KDM6A: variants seen among roughly 807,000 people sequenced by gnomAD.
The protein encoded by KDM6A is lysine demethylase 6A.
Under a neutral mutation model 117.6 loss-of-function variants are expected in KDM6A, and 11 were observed. That is an observed-to-expected ratio of 0.09 (90% CI 0.06 to 0.15). The LOEUF is 0.15. KDM6A is among the 10% of genes least tolerant of loss of function. The probability of loss-of-function intolerance (pLI) is 1.00; values close to 1 mark genes in which losing one functional copy is unlikely to be tolerated. For missense variants in KDM6A, 799 were observed against 1,077.3 expected, an observed-to-expected ratio of 0.74 and a Z score of 3.62; for synonymous variants, 384 against 396.1, an observed-to-expected ratio of 0.97 and a Z score of 0.36.
At chrX:44,881,302 G>A (rs893570160) in intron 2 of KDM6A, among the ~76,000 whole-genome samples, 12 of 111,814 alleles carry the variant, frequency 1.1e-4, no homozygotes, top group African/African-American at 2.9e-4. Context: ...GTGATGGCGC[G>A]TACCTGTAAT....
chrX:44,923,407 A>G (rs2036095967), intron 2 of KDM6A, among the ~76,000 whole-genome samples: 1 of 106,203 alleles, frequency 9.4e-6, no homozygotes, highest in African/African-American at 3.5e-5. Flanking sequence ...AAATTATTCT[A>G]TCACTTACTG....
At chrX:44,967,799 T>C (rs754958266) in intron 3 of KDM6A, among the ~76,000 whole-genome samples, 1 of 112,487 alleles carries the variant, frequency 8.9e-6, no homozygotes, top group Admixed American at 9.4e-5. Flanking sequence ...TTTTCTGTGA[T>C]TCCAGATGAA....
At chrX:44,951,634 A>G (rs960497180) in intron 2 of KDM6A, among the ~76,000 whole-genome samples, 2 of 111,348 alleles carry the variant, frequency 1.8e-5, no homozygotes, top group African/African-American at 6.5e-5. Context: ...AAGTCTGGGA[A>G]TGGTTTGTGA....
In KDM6A at chrX:45,069,642, A is replaced by T. The variant is rs1297907606; in HGVS notation, c.2143A>T (p.Thr715Ser). Residue 715 changes from threonine to serine, a missense_variant, in exon 18 of 30, where the codon ACT becomes TCT. Physicochemically the swap from Thr to Ser is moderately conservative, Grantham distance 58. Coordinates refer to ENST00000611820, the MANE Select transcript of KDM6A (RefSeq NM_001291415.2). ...GPNGERPLSS[T>S]GPSQHLQAAG... ...TAATGGTGAACGACCTCTCTCTTCCACTGGGCCTTCCCAGCATCTCCAGGC... is the reference window on the plus strand; with the variant it reads ...TAATGGTGAACGACCTCTCTCTTCCTCTGGGCCTTCCCAGCATCTCCAGGC... 1.1e-5 allele frequency: 13 copies of T among 1,208,221 alleles called. No individual in the cohort carries two copies. In the Admixed American group the frequency reaches 2.2e-4, roughly 20 times the overall value.
At chrX:44,922,233 G>A (rs1330188105) in intron 2 of KDM6A, among the ~76,000 whole-genome samples, 2 of 103,279 alleles carry the variant, frequency 1.9e-5, no homozygotes, top group African/African-American at 3.5e-5. Flanking sequence ...TAGTAGAGGT[G>A]GGGTTTCGCC....
At chrX:45,082,907 A>G (rs2148146358) in intron 23 of KDM6A, 118 bp downstream of exon 23, 1 of 537,373 alleles carries the variant, frequency 1.9e-6, no homozygotes, top group East Asian at 3.6e-5. Flanking sequence ...TTAAGTTGAC[A>G]TGAATTTAAG....
intron 21 of KDM6A, among the ~76,000 whole-genome samples, chrX:45,079,597 G>A (rs925618336): frequency 4.5e-5 from 5 of 111,837 alleles, no homozygotes; most frequent in African/African-American, 9.8e-5. Context: ...AGGCTAGAGC[G>A]CAGTGGCACG....
chrX:44,981,651 A>C (rs1235058703), intron 4 of KDM6A, among the ~76,000 whole-genome samples: 1 of 111,799 alleles, frequency 8.9e-6, no homozygotes, highest in Admixed American at 9.5e-5. Flanking sequence ...CGTTCTAATC[A>C]TGCTTTGCTC....
At chrX:44,946,752 C>T (rs973703786) in intron 2 of KDM6A, among the ~76,000 whole-genome samples, 3 of 110,333 alleles carry the variant, frequency 2.7e-5, no homozygotes, top group African/African-American at 6.6e-5. Flanking sequence ...TTTTTTCTCC[C>T]GTTAGAAATA....
intron 25 of KDM6A, among the ~76,000 whole-genome samples, chrX:45,087,940 G>A (rs758703328): frequency 1.7e-3 from 191 of 111,630 alleles, no homozygotes; most frequent in African/African-American, 5.9e-3. Context: ...GATAGTGACT[G>A]TATACTGTAT....
chrX:44,977,759 A>G (rs1170025351), intron 4 of KDM6A, among the ~76,000 whole-genome samples: 2 of 112,062 alleles, frequency 1.8e-5, no homozygotes, highest in Non-Finnish European at 3.8e-5. Context: ...TAGGTGAGAA[A>G]TGGTATTTTA....
At chrX:45,002,867 C>T (rs904234137) in intron 4 of KDM6A, among the ~76,000 whole-genome samples, 10 of 69,996 alleles carry the variant, frequency 1.4e-4, no homozygotes, top group African/African-American at 5.6e-4. Flanking sequence ...CCCCGCCCCC[C>T]CCCCCCTTTT....
At chrX:45,012,877 ATCTTAGG>A (rs923117041) in intron 5 of KDM6A, among the ~76,000 whole-genome samples, 47 of 111,642 alleles carry the variant, frequency 4.2e-4, no homozygotes, top group Non-Finnish European at 7.9e-4. Context: ...TTCTTTGTAA[ATCTTAGG>A]AAGGTATAAT....
chrX:45,051,474 T>G (rs2043845730), intron 8 of KDM6A, among the ~76,000 whole-genome samples: 1 of 112,227 alleles, frequency 8.9e-6, no homozygotes, highest in Non-Finnish European at 1.9e-5. Flanking sequence ...AAAGTCATAC[T>G]TTAATGATAC....
At chrX:45,068,883 A>G (rs1180188927) in intron 17 of KDM6A, among the ~76,000 whole-genome samples, 1 of 92,649 alleles carries the variant, frequency 1.1e-5, no homozygotes, top group African/African-American at 4.2e-5. Flanking sequence ...TTTTGTGGAG[A>G]CGGAGTCTCA....
intron 2 of KDM6A, among the ~76,000 whole-genome samples, chrX:44,881,493 A>C (rs1186711261): frequency 9.0e-6 from 1 of 111,674 alleles, no homozygotes; most frequent in Admixed American, 9.5e-5. Flanking sequence ...CTTGTTAGAC[A>C]GTTTTAGGTT....
intron 2 of KDM6A, among the ~76,000 whole-genome samples, chrX:44,954,937 G>A (rs1372295096): frequency 9.0e-6 from 1 of 111,138 alleles, no homozygotes; most frequent in Admixed American, 9.7e-5. Context: ...TATGGGAGAA[G>A]TGTTAGGGAA....
chrX:44,999,172 T>C lies in KDM6A; in HGVS notation c.385-11789T>C, dbSNP rs1053977122. ...TACAAAAATTAGCCGGCCATTGTTA[T>C]ATGTAAAGTTTCGGTGCCGCAAAAG... On this transcript the variant is annotated intron_variant, in intron 4 of 29. Coordinates refer to ENST00000611820, the MANE Select transcript of KDM6A (RefSeq NM_001291415.2). Among the ~76,000 whole-genome samples the C allele has an allele frequency of 4.2e-4, 47 of 111,943 alleles. 1 individual carries two copies. Among genetic ancestry groups the C allele is most frequent in the Admixed American group, 1.8e-3 (19 of 10,563 alleles).
intron 3 of KDM6A, among the ~76,000 whole-genome samples, chrX:44,972,293 C>A (rs928188776): frequency 1.3e-4 from 15 of 111,373 alleles, no homozygotes; most frequent in Non-Finnish European, 2.4e-4. Flanking sequence ...TAGAATGATA[C>A]TGCTACCACA....
Sources: gnomAD v4.1 joint callset for allele counts (sites outside exome capture counted in the v4.1 genomes callset) on GRCh38, gnomAD v4.1.1 for gene constraint, MANE v1.5 for transcripts, NCBI Gene and HGNC (gene_info 2026-07-23, HGNC 2026-07-21) for gene names.